Variants in CDC42BPB observed in about 807,000 individuals in gnomAD.
The protein encoded by CDC42BPB is CDC42 binding protein kinase beta, also known as serine/threonine-protein kinase MRCK beta.
A neutral mutation model predicts 214.9 loss-of-function variants in CDC42BPB; 37 were observed. The observed-to-expected ratio is 0.17, with a 90% CI of 0.13 to 0.23. The LOEUF (loss-of-function observed/expected upper bound fraction) is 0.23. Ranked by LOEUF, CDC42BPB falls within the 10% of genes least tolerant of loss-of-function variation. The pLI is 1.00. For missense variants in CDC42BPB, 1,694 were observed against 2,227.0 expected (o/e 0.76, Z 4.82); for synonymous variants, 931 against 884.0 (o/e 1.05, Z -0.94).
At chr14:102,999,774 T>C (rs1894896506) in intron 4 of CDC42BPB, 61 bp from the exon 5 acceptor site, 1 of 1,595,808 alleles carries the variant, frequency 6.3e-7, no homozygotes, top group African/African-American at 1.3e-5. Flanking sequence ...AACCTGACAG[T>C]TACAGGCCAG....
intron 4 of CDC42BPB, among the ~76,000 whole-genome samples, chr14:103,003,258 A>G: frequency 6.6e-6 from 1 of 152,236 alleles, no homozygotes; most frequent in East Asian, 1.9e-4. Context: ...CTCTAGGAAT[A>G]AAAAGTCCTG....
chr14:103,041,359 A>G, intron 1 of CDC42BPB: 1 of 496,054 alleles, frequency 2.0e-6, no homozygotes, highest in Admixed American at 3.6e-5. Context: ...AAACACAGGT[A>G]TGAAACTTTG....
chr14:102,934,016 G>T, intron 36 of CDC42BPB, 173 bp from the exon 37 acceptor site: 1 of 1,360,664 alleles, frequency 7.3e-7, no homozygotes. Flanking sequence ...CCTTAGGCGT[G>T]CTGGTGAGAG....
chr14:103,039,979 C>T (rs1241541472), intron 1 of CDC42BPB, among the ~76,000 whole-genome samples: 2 of 152,122 alleles, frequency 1.3e-5, no homozygotes, highest in Non-Finnish European at 2.9e-5. Context: ...CAATTTACCT[C>T]AGGAATAAAT....
At chr14:102,941,632 T>A (rs901697929) in intron 30 of CDC42BPB, 1 of 866,538 alleles carries the variant, frequency 1.2e-6, no homozygotes, top group Non-Finnish European at 1.4e-6. Flanking sequence ...CAGGAAGAAG[T>A]CTAGTTTGCT....
intron 5 of CDC42BPB, among the ~76,000 whole-genome samples, chr14:102,989,388 AACCCCACTTGTAGAG>A (rs1191884616): frequency 6.6e-6 from 1 of 152,250 alleles, no homozygotes; most frequent in Non-Finnish European, 1.5e-5. Flanking sequence ...TTGATCCAGC[AACCCCACTTGTAGAG>A]ATTTACCCTG....
chr14:102,947,905 G>A (rs1017278886), intron 26 of CDC42BPB, 103 bp from the exon 27 acceptor site: 9 of 1,583,808 alleles, frequency 5.7e-6, no homozygotes, highest in Admixed American at 3.5e-5. Context: ...TTCCACCACC[G>A]TGTTCTGCAG....
chr14:102,968,979 G>A, intron 14 of CDC42BPB: 4 of 782,986 alleles, frequency 5.1e-6, no homozygotes, highest in Non-Finnish European at 6.2e-6. Flanking sequence ...ATTCATGCTT[G>A]CAGCATTCTT....
chr14:102,950,732 G>A (rs996078986), intron 24 of CDC42BPB, 130 bp from the exon 25 acceptor site: 24 of 1,358,292 alleles, frequency 1.8e-5, no homozygotes, highest in Non-Finnish European at 2.0e-5. Flanking sequence ...TTCGGAGGCC[G>A]AGGTGGGCAG....
Position 102,939,630 on chromosome 14 carries a change from C to G in CDC42BPB, c.4807G>C (p.Val1603Leu), listed in dbSNP as rs1891799572. The change falls in exon 34 of 37, where the codon GTG becomes CTG. Residue 1603 changes from valine to leucine, a missense_variant. By Grantham distance (32) the Val-to-Leu change is conservative. This residue lies in a region of CDC42BPB where 567 missense variants were observed against 790.3 expected (regional missense o/e 0.72). Coordinates refer to ENST00000361246, the MANE Select transcript of CDC42BPB (RefSeq NM_006035.4). ...CGCACCAGAGGCAGGTCCATGAGCA[C>G]CTGCATGCCGTCGCCTGGGCCCATG... Reference protein sequence around the residue: ...AHMGPGDGMQVLMDLPLSAVP... With the variant: ...AHMGPGDGMQLLMDLPLSAVP... 1 of 1,613,964 alleles carries G rather than the reference C, an allele frequency of 6.2e-7. No homozygotes were observed. The highest frequency in any genetic ancestry group is 8.5e-7 in the Non-Finnish European group (1 of 1,179,888).
intron 1 of CDC42BPB, among the ~76,000 whole-genome samples, chr14:103,052,251 T>G (rs1165964899): frequency 6.6e-6 from 1 of 152,246 alleles, no homozygotes. Context: ...ATGATCTAAA[T>G]TAGGTTAAAC....
At chr14:103,008,642 A>G in intron 2 of CDC42BPB, 87 bp from the exon 3 acceptor site, 1 of 1,545,090 alleles carries the variant, frequency 6.5e-7, no homozygotes, top group East Asian at 2.3e-5. Context: ...AAATCCTAAC[A>G]GCCCAGGAGC....
At chr14:103,020,038 G>C (rs8021471) in intron 1 of CDC42BPB, among the ~76,000 whole-genome samples, 3 of 152,086 alleles carry the variant, frequency 2.0e-5, no homozygotes, top group Non-Finnish European at 4.4e-5. Context: ...GAAAGAGGAC[G>C]GTGTCAAGAG....
chr14:103,009,747 C>T (rs927699177), intron 2 of CDC42BPB, among the ~76,000 whole-genome samples: 2 of 152,362 alleles, frequency 1.3e-5, no homozygotes, highest in African/African-American at 4.8e-5. Flanking sequence ...CTCTGTGTGG[C>T]CTGGGCCCTG....
intron 1 of CDC42BPB, among the ~76,000 whole-genome samples, chr14:103,056,630 T>TC (rs1888972135): frequency 8.8e-6 from 1 of 114,216 alleles, no homozygotes; most frequent in Non-Finnish European, 1.7e-5. Context: ...ATATCCAGAC[T>TC]CGGAGGGTGG....
chr14:102,951,982 G>A lies in CDC42BPB; in HGVS notation c.3172+516C>T, dbSNP rs561967187. Among the ~76,000 whole-genome samples the A allele has an allele frequency of 1.6e-4, 24 of 152,210 alleles. 1 individual carries two copies. In the South Asian group the frequency reaches 3.5e-3, roughly 22 times the overall value. On this transcript the variant is annotated intron_variant, in intron 24 of 36. Transcript: ENST00000361246. ...AGATGAGTTGAGTCACCACAGAGGC[G>A]CACAGCACAATGGAGCCCCCAGCAC...
At chr14:103,005,479 G>A (rs530137872) in intron 3 of CDC42BPB, among the ~76,000 whole-genome samples, 9 of 149,680 alleles carry the variant, frequency 6.0e-5, no homozygotes, top group South Asian at 2.1e-4. Context: ...AGGCCAAGGC[G>A]GGAGGATCAC....
In CDC42BPB at chr14:103,028,025, G is replaced by C. The variant is rs564472833; in HGVS notation, c.176-15837C>G. On this transcript the variant is annotated intron_variant, in intron 1 of 36. Transcript: ENST00000361246. ...CGCACCTGTAGTCCCAGCTGCTTGG[G>C]AGGCTGAGGCAGGAGAATTGCTTGA... Among the ~76,000 whole-genome samples, 6 of 152,202 alleles carry C rather than the reference G, an allele frequency of 3.9e-5. No homozygotes were observed. The South Asian group carries it at 1.2e-3, about 32-fold the overall frequency.
chr14:102,960,791 A>C (rs1364349062), intron 20 of CDC42BPB, among the ~76,000 whole-genome samples: 1 of 152,210 alleles, frequency 6.6e-6, no homozygotes, highest in African/African-American at 2.4e-5. Flanking sequence ...CCAGCTAGCC[A>C]TTAGCAAAAG....
Sources: gnomAD v4.1 joint callset for allele counts (sites outside exome capture counted in the v4.1 genomes callset) on GRCh38, gnomAD v4.1.1 for gene constraint, gnomAD v4.1.1 regional missense constraint, MANE v1.5 for transcripts, NCBI Gene and HGNC (gene_info 2026-07-23, HGNC 2026-07-21) for gene names.